Variants in DNAH17 observed in about 807,000 individuals in gnomAD.
DNAH17 encodes the protein dynein axonemal heavy chain 17, also known as axonemal beta dynein heavy chain 17.
DNAH17 carries 376 observed loss-of-function variants against 485.6 expected under a neutral mutation model. The observed-to-expected ratio is 0.77, with a 90% CI of 0.71 to 0.84. DNAH17 has a LOEUF of 0.84. Ranked by LOEUF, DNAH17 falls within the 40% of genes least tolerant of loss-of-function variation. The pLI is 0.00. For missense variants in DNAH17, 6,370 were observed against 5,839.3 expected, an observed-to-expected ratio of 1.09 and a Z score of -2.96; for synonymous variants, 3,031 against 2,405.9, an observed-to-expected ratio of 1.26 and a Z score of -7.60.
At chr17:78,470,733 A>C (rs1400005303) in intron 54 of DNAH17, among the ~76,000 whole-genome samples, 1 of 152,150 alleles carries the variant, frequency 6.6e-6, no homozygotes, top group Non-Finnish European at 1.5e-5. Context: ...ATTTTATACT[A>C]TGTATATTTT....
intron 16 of DNAH17, among the ~76,000 whole-genome samples, chr17:78,544,882 G>C (rs1285885092): frequency 6.8e-6 from 1 of 147,880 alleles, no homozygotes; most frequent in Non-Finnish European, 1.5e-5. Context: ...TCTGTCATTA[G>C]ATTTTTTTTC....
At chr17:78,502,311 A>ATTT in intron 33 of DNAH17, 1 of 331,470 alleles carries the variant, frequency 3.0e-6, no homozygotes, top group Non-Finnish European at 5.5e-6. Flanking sequence ...AACCAAGGAC[A>ATTT]TTTTTTTTTT....
At chr17:78,474,494 T>G (rs2088916294) in intron 54 of DNAH17, among the ~76,000 whole-genome samples, 1 of 152,220 alleles carries the variant, frequency 6.6e-6, no homozygotes, top group Non-Finnish European at 1.5e-5. Flanking sequence ...AAGCAGCCAT[T>G]CAGCATCTCA....
At position 78,569,134 on chromosome 17, in the gene DNAH17, G is replaced by A. The variant is rs1357391794; in HGVS notation, c.1284+32C>T. ...CTAGGGTAGGAGCAGTCTGGGAAGT[G>A]GAGGTCAAGATGCACCGAGTTCTGT... On this transcript the variant is annotated intron_variant, in intron 9 of 80. Coordinates refer to ENST00000389840, the MANE Select transcript of DNAH17 (RefSeq NM_173628.4). 7 of 1,527,440 alleles carry A rather than the reference G, an allele frequency of 4.6e-6. No individual in the cohort carries two copies. In the South Asian group the frequency reaches 5.9e-5, roughly 13 times the overall value. The allele number at this position is 1,527,440 out of a possible 1,614,324, so 94.6% of individuals were successfully genotyped here.
chr17:78,495,850 A>C (rs377129109), intron 38 of DNAH17, 25 bp downstream of exon 38: 1 of 1,602,964 alleles, frequency 6.2e-7, no homozygotes, highest in East Asian at 2.2e-5. Context: ...CACTGCAGCC[A>C]CTCACTTTCA....
chr17:78,507,713 C>T lies in DNAH17; in HGVS notation c.4329G>A (p.Glu1443=), dbSNP rs778457221. The T allele has an allele frequency of 7.2e-5, 116 of 1,607,758 alleles. No homozygotes were observed. The highest frequency in any genetic ancestry group is 9.7e-5 in the Non-Finnish European group (114 of 1,179,448). ...RTGTMMLKSS[E]VLVETLEDNQ... is the part of the protein sequence containing the mutation. ...TGTCCTCCAGCGTCTCCACCAGCAC[C>T]TCGCTGGACTTGAGCATCATGGTGC... The change falls in exon 28 of 81, where the codon GAG becomes GAA. Residue 1443 remains glutamate (E), a synonymous_variant. Transcript: ENST00000389840.
At chr17:78,438,908 C>A (rs1408352487) in intron 73 of DNAH17, among the ~76,000 whole-genome samples, 182 bp downstream of exon 73, 1 of 152,164 alleles carries the variant, frequency 6.6e-6, no homozygotes, top group Non-Finnish European at 1.5e-5. Context: ...CGTGCCACAC[C>A]ACCCAGCTGA....
At position 78,500,343 on chromosome 17, in the gene DNAH17, C is replaced by T; in HGVS notation, c.5602G>A (p.Val1868Ile). The T allele has an allele frequency of 6.2e-7, 1 of 1,612,746 alleles. No individual in the cohort carries two copies. The highest frequency in any genetic ancestry group is 8.5e-7 in the Non-Finnish European group (1 of 1,179,464). Residue 1868 changes from valine (V) to isoleucine (I), a missense_variant, in exon 36 of 81, where the codon GTC becomes ATC. Val to Ile is a conservative substitution (Grantham distance 29). Coordinates refer to ENST00000389840, the MANE Select transcript of DNAH17 (RefSeq NM_173628.4). ...TGCTCGGAGCAGTTGAAGACGTAGACCATGGTGCCCAGGGCTCTGCCCAGG... is the reference window on the plus strand; with the variant it reads ...TGCTCGGAGCAGTTGAAGACGTAGATCATGGTGCCCAGGGCTCTGCCCAGG... ...KDLGRALGTM[V>I]YVFNCSEQMD... is the part of the protein sequence containing the mutation.
chr17:78,463,771 G>A (rs2088272082), intron 56 of DNAH17, among the ~76,000 whole-genome samples: 2 of 152,242 alleles, frequency 1.3e-5, no homozygotes, highest in Admixed American at 1.3e-4. Flanking sequence ...CTGAACGCAG[G>A]CACTGGGAGC....
chr17:78,523,441 C>A (rs2090985145), intron 25 of DNAH17, among the ~76,000 whole-genome samples: 1 of 152,080 alleles, frequency 6.6e-6, no homozygotes, highest in South Asian at 2.1e-4. Flanking sequence ...TCAATTTTAC[C>A]CTGCCTCTCC....
At chr17:78,486,157 T>C in intron 45 of DNAH17, 24 bp from the exon 46 acceptor site, 2 of 1,608,618 alleles carry the variant, frequency 1.2e-6, no homozygotes, top group Non-Finnish European at 8.5e-7. Flanking sequence ...GAAGTAAAAA[T>C]CAGGGCCCAG....
intron 2 of DNAH17, 150 bp downstream of exon 2, chr17:78,574,563 G>T (rs2092406445): frequency 3.0e-6 from 2 of 676,438 alleles, no homozygotes; most frequent in African/African-American, 1.8e-5. Flanking sequence ...GGTCAGGGTG[G>T]ACGGGGCCCG....
In DNAH17 at chr17:78,460,185, C is replaced by T. The variant is rs1455035854; in HGVS notation, c.9412G>A (p.Glu3138Lys). ...KAEPALLAAQ[E>K]ALDTLNKNNL... ...ACCTTATTCAGAGTGTCCAGAGCCT[C>T]CTGGGCTGCCAGCAGGGCCGGTTCT... Residue 3138 changes from glutamate (E) to lysine (K), a missense_variant, in exon 59 of 81, where the codon GAG (glutamate) becomes AAG (lysine). Transcript: ENST00000389840. The T allele has an allele frequency of 2.0e-5, 32 of 1,608,686 alleles. No individual in the cohort carries two copies. Among genetic ancestry groups the T allele is most frequent in the Non-Finnish European group, 2.5e-5 (29 of 1,177,210 alleles).
intron 71 of DNAH17, among the ~76,000 whole-genome samples, chr17:78,443,699 G>A (rs546903632): frequency 8.7e-4 from 133 of 152,218 alleles, no homozygotes; most frequent in Non-Finnish European, 1.3e-3. Flanking sequence ...ATAGGAGCCC[G>A]CCACCGCGCC....
rs989316563 is a variant in DNAH17 at position 78,424,394 on chromosome 17, G to A, written c.13142-241C>T. 4.3e-5 allele frequency: 20 copies of A among 469,788 alleles called. 1 individual carries two copies. The highest frequency in any genetic ancestry group is 1.3e-4 in the African/African-American group (7 of 52,106). 29.1% of individuals were successfully genotyped at this position (469,788 alleles called of 1,614,324 possible). On this transcript the variant is annotated intron_variant, in intron 80 of 80. Transcript: ENST00000389840. ...CAGCTAAAGCCCTCGGGTTCCATCC[G>A]TTTAAATCTGTGGCATTTTCAGAGC...
At position 78,532,647 on chromosome 17, in the gene DNAH17, G is replaced by A. The variant is rs1464149787; in HGVS notation, c.2949C>T (p.Tyr983=). The part of the protein sequence containing the change: ...VINAMKEAEE[Y]QDSFERYSYL... ...AGGAGTACCTCTCAAAGGAATCCTG[G>A]TACTCCTCGGCCTCCTTCATGGCAT... is the stretch of plus-strand genomic sequence containing the variant. Residue 983 remains tyrosine (Y), a synonymous_variant, in exon 20 of 81, where the codon TAC becomes TAT. Coordinates refer to ENST00000389840, the MANE Select transcript of DNAH17 (RefSeq NM_173628.4). 6.3e-7 allele frequency: 1 copy of A among 1,597,626 alleles called. No homozygotes were observed. Among genetic ancestry groups the A allele is most frequent in the East Asian group, 2.3e-5 (1 of 44,438 alleles).
chr17:78,510,358 C>T, intron 27 of DNAH17, 26 bp downstream of exon 27: 1 of 1,609,606 alleles, frequency 6.2e-7, no homozygotes, highest in Non-Finnish European at 8.5e-7. Context: ...CCACGTTGCA[C>T]AGACAGCACC....
chr17:78,512,642 T>C (rs1005655384), intron 26 of DNAH17, among the ~76,000 whole-genome samples: 2 of 152,054 alleles, frequency 1.3e-5, no homozygotes, highest in African/African-American at 4.8e-5. Flanking sequence ...CCAAGAATGA[T>C]AGAAGTTAAT....
At chr17:78,565,800 A>G (rs2092254506) in intron 11 of DNAH17, among the ~76,000 whole-genome samples, 1 of 152,154 alleles carries the variant, frequency 6.6e-6, no homozygotes, top group South Asian at 2.1e-4. Context: ...AAATAGAAAA[A>G]TTAGCCAGGT....
Sources: allele counts gnomAD v4.1 joint callset (sites outside exome capture counted in the v4.1 genomes callset), GRCh38; gene constraint gnomAD v4.1.1; transcripts MANE v1.5; gene names NCBI Gene and HGNC (gene_info 2026-07-23, HGNC 2026-07-21).